The following CADPS2 variants were observed in gnomAD, a reference collection of about 807,000 sequenced individuals.
CADPS2 encodes the protein calcium-dependent secretion activator 2.
In CADPS2, 93 loss-of-function variants were observed where a neutral mutation model predicts 172.5. The ratio of observed to expected loss-of-function variants is 0.54; its 90% CI spans 0.46 to 0.64. CADPS2 has a LOEUF of 0.64. Ranked by LOEUF, CADPS2 falls within the 30% of genes least tolerant of loss-of-function variation. The pLI is 0.00. For missense variants in CADPS2, 1,420 were observed against 1,565.9 expected (o/e 0.91, Z 1.57); for synonymous variants, 546 against 555.2 (o/e 0.98, Z 0.23).
intron 11 of CADPS2, among the ~76,000 whole-genome samples, chr7:122,484,899 G>C (rs201529378): frequency 1.4e-5 from 2 of 142,780 alleles, no homozygotes; most frequent in Non-Finnish European, 3.1e-5. Context: ...CTCATATCAT[G>C]ACGTGCTCAT....
intron 25 of CADPS2, among the ~76,000 whole-genome samples, chr7:122,369,154 T>TGAGAC (rs555945277): frequency 1.2e-3 from 71 of 59,700 alleles, no homozygotes; most frequent in African/African-American, 2.5e-3. Flanking sequence ...TTTTTTTTTT[T>TGAGAC]TGAGTCTCGC....
At chr7:122,741,675 G>C (rs1203699814) in intron 1 of CADPS2, among the ~76,000 whole-genome samples, 4 of 152,056 alleles carry the variant, frequency 2.6e-5, no homozygotes, top group Non-Finnish European at 1.5e-5. Flanking sequence ...ATCTACAAAA[G>C]TAGACTTTCA....
At chr7:122,462,181 A>C (rs1030749299) in intron 14 of CADPS2, among the ~76,000 whole-genome samples, 3 of 152,198 alleles carry the variant, frequency 2.0e-5, no homozygotes, top group Non-Finnish European at 4.4e-5. Context: ...GCTTAGGAAA[A>C]AAGGATATAA....
chr7:122,331,109 C>G (rs567967810), intron 28 of CADPS2: 1 of 151,692 alleles, frequency 6.6e-6, no homozygotes, highest in South Asian at 2.1e-4. Flanking sequence ...TTTATTCTTC[C>G]AGAATAAAGA....
intron 4 of CADPS2, among the ~76,000 whole-genome samples, chr7:122,625,772 T>C (rs1314454510): frequency 2.0e-5 from 3 of 151,674 alleles, no homozygotes; most frequent in Admixed American, 6.6e-5. Context: ...TCTCTCTCTC[T>C]CCCTGCCCTC....
intron 1 of CADPS2, among the ~76,000 whole-genome samples, chr7:122,794,348 C>T (rs1251477986): frequency 6.6e-6 from 1 of 151,828 alleles, no homozygotes; most frequent in African/African-American, 2.4e-5. Flanking sequence ...TTTCAGAAAG[C>T]CAGACTTCAA....
chr7:122,386,251 T>C (rs746459314), intron 24 of CADPS2: 34 of 1,259,238 alleles, frequency 2.7e-5, no homozygotes, highest in Middle Eastern at 2.4e-4. Flanking sequence ...ACAAAAATAA[T>C]AACTCAAATG....
intron 29 of CADPS2, 31 bp from the exon 30 acceptor site, chr7:122,320,369 C>T (rs370643719): frequency 8.1e-5 from 127 of 1,560,368 alleles, no homozygotes; most frequent in Non-Finnish European, 1.0e-4. Context: ...TTGCTTAGCT[C>T]ACTTAGATTA....
At chr7:122,838,740 C>G (rs909458797) in intron 1 of CADPS2, among the ~76,000 whole-genome samples, 1 of 152,128 alleles carries the variant, frequency 6.6e-6, no homozygotes, top group Non-Finnish European at 1.5e-5. Context: ...AGGACCTCTT[C>G]AAGGAGAACT....
Position 122,345,911 on chromosome 7 carries a change from T to C in CADPS2, c.3505-230A>G, listed in dbSNP as rs1050278197. On this transcript the variant is annotated intron_variant, in intron 27 of 29. Transcript: ENST00000449022. ...TTGAAAATACAGAGTTGTAGATCCGTAGATATCTTTTTTTTTTTTTTGTTA... is the reference window on the plus strand; with the variant it reads ...TTGAAAATACAGAGTTGTAGATCCGCAGATATCTTTTTTTTTTTTTTGTTA... Among the ~76,000 whole-genome samples, 13 of 120,608 alleles carry C rather than the reference T, an allele frequency of 1.1e-4. No individual in the cohort carries two copies. In the Admixed American group the frequency reaches 1.2e-3, roughly 11 times the overall value. 79.1% of individuals were successfully genotyped at this position (120,608 alleles called of 152,430 possible).
In CADPS2 at chr7:122,803,547, A is replaced by T. The variant is rs377010700; in HGVS notation, c.340-66479T>A. On this transcript the variant is annotated intron_variant, in intron 1 of 29. Coordinates refer to ENST00000449022, the MANE Select transcript of CADPS2 (RefSeq NM_017954.11). ...ACATGAAAATGTGACAAAGCCATAA[A>T]TCACAGGAAACTTTCACCACTAGAT... Among the ~76,000 whole-genome samples, 42 of 152,306 alleles carry T rather than the reference A, an allele frequency of 2.8e-4. No homozygotes were observed. The Middle Eastern group carries it at 0.01, about 37-fold the overall frequency.
chr7:122,377,890 T>A (rs1337289292), intron 25 of CADPS2, among the ~76,000 whole-genome samples: 1 of 152,052 alleles, frequency 6.6e-6, no homozygotes, highest in African/African-American at 2.4e-5. Context: ...TTTGTGGTTG[T>A]TTTCCACTCT....
Position 122,388,506 on chromosome 7 carries a change from A to G in CADPS2, c.3164+77T>C, listed in dbSNP as rs889033411. On this transcript the variant is annotated intron_variant, in intron 23 of 29. Coordinates refer to ENST00000449022, the MANE Select transcript of CADPS2 (RefSeq NM_017954.11). Reference sequence around the variant, plus strand: ...TAATGAAACCTTTGCTGTGACAATAATATATTAGGTACTTGATAAAAAGTG... The same window carrying G: ...TAATGAAACCTTTGCTGTGACAATAGTATATTAGGTACTTGATAAAAAGTG... The G allele has an allele frequency of 1.5e-5, 20 of 1,344,748 alleles. No homozygotes were observed. The African/African-American group carries it at 2.5e-4, about 17-fold the overall frequency. 83.3% of individuals were successfully genotyped at this position (1,344,748 alleles called of 1,614,324 possible). A position where few individuals can be genotyped will look rare whatever the true frequency, so the allele number is the denominator to read the frequency against.
chr7:122,722,291 C>T (rs1446932247), intron 2 of CADPS2, among the ~76,000 whole-genome samples: 1 of 151,978 alleles, frequency 6.6e-6, no homozygotes, highest in Admixed American at 6.6e-5. Context: ...ATCTAGAAAA[C>T]CCCATCGTCT....
At chr7:122,640,490 C>CACAG (rs1179728812) in intron 3 of CADPS2, among the ~76,000 whole-genome samples, 5 of 146,008 alleles carry the variant, frequency 3.4e-5, no homozygotes, top group African/African-American at 5.1e-5. Flanking sequence ...CACACACACA[C>CACAG]AGAGATAGAG....
intron 8 of CADPS2, among the ~76,000 whole-genome samples, chr7:122,539,745 C>CTG (rs1194656381): frequency 2.5e-5 from 3 of 118,120 alleles, no homozygotes; most frequent in Admixed American, 8.8e-5. Flanking sequence ...CTGTCCCTCT[C>CTG]TCTCTGTCTC....
chr7:122,883,832 C>T (rs1246947993), intron 1 of CADPS2, among the ~76,000 whole-genome samples: 1 of 152,100 alleles, frequency 6.6e-6, no homozygotes, highest in Non-Finnish European at 1.5e-5. Flanking sequence ...CCTAAGGATT[C>T]TATTTTTTTT....
At chr7:122,839,673 G>A (rs1809788542) in intron 1 of CADPS2, among the ~76,000 whole-genome samples, 1 of 152,198 alleles carries the variant, frequency 6.6e-6, no homozygotes, top group Non-Finnish European at 1.5e-5. Flanking sequence ...ACAGACACAT[G>A]AGAAAATGCT....
At chr7:122,642,365 T>C (rs1475546754) in intron 3 of CADPS2, among the ~76,000 whole-genome samples, 3 of 151,946 alleles carry the variant, frequency 2.0e-5, no homozygotes, top group African/African-American at 7.2e-5. Context: ...TAGGCTCTCC[T>C]TGCCCAGTCA....
Sources: allele counts gnomAD v4.1 joint callset (sites outside exome capture counted in the v4.1 genomes callset), GRCh38; gene constraint gnomAD v4.1.1; transcripts MANE v1.5; gene names NCBI Gene and HGNC (gene_info 2026-07-23, HGNC 2026-07-21).